The following CD109 variants were observed in gnomAD, a reference collection of about 807,000 sequenced individuals.
CD109 encodes the protein CD109 antigen.
CD109 carries 149 observed loss-of-function variants against 165.8 expected under a neutral mutation model. That is an observed-to-expected ratio of 0.90 (90% confidence interval 0.79 to 1.03). CD109 has a LOEUF of 1.03. Among genes scored for constraint, CD109 ranks in the 50% least tolerant of loss-of-function variants. The pLI, the probability that CD109 is intolerant of heterozygous loss-of-function variation, is 0.00. For missense variants in CD109, 1,712 were observed against 1,677.8 expected, an observed-to-expected ratio of 1.02 and a Z score of -0.36; for synonymous variants, 585 against 592.1, an observed-to-expected ratio of 0.99 and a Z score of 0.18.
At chr6:73,753,238 T>C (rs933746307) in intron 5 of CD109, among the ~76,000 whole-genome samples, 1 of 152,176 alleles carries the variant, frequency 6.6e-6, no homozygotes, top group Non-Finnish European at 1.5e-5. Context: ...ATATTTACTA[T>C]CCCACTCTTT....
At chr6:73,822,346 G>A (rs1358580118) in intron 32 of CD109, among the ~76,000 whole-genome samples, 2 of 152,212 alleles carry the variant, frequency 1.3e-5, no homozygotes, top group Non-Finnish European at 2.9e-5. Flanking sequence ...CTTTAAATGA[G>A]ATGAACTTGT....
intron 15 of CD109, among the ~76,000 whole-genome samples, chr6:73,778,801 GT>G (rs1274058949): frequency 2.0e-5 from 3 of 150,902 alleles, no homozygotes; most frequent in South Asian, 2.1e-4. Context: ...TTTCAACTTA[GT>G]TTTTTTTGTG....
intron 2 of CD109, among the ~76,000 whole-genome samples, chr6:73,702,201 A>G (rs909403493): frequency 2.0e-5 from 3 of 151,888 alleles, no homozygotes; most frequent in South Asian, 4.1e-4. Context: ...TAAAAAATCT[A>G]TTTTTTCCTT....
At chr6:73,680,867 A>G in the CD109 span, among the ~76,000 whole-genome samples, 3 of 152,316 alleles carry the variant, frequency 2.0e-5, no homozygotes, top group East Asian at 5.8e-4. Context: ...TGGAAGAGCC[A>G]AAGACTGGTT....
chr6:73,821,830 A>G (rs1776119579), intron 32 of CD109, among the ~76,000 whole-genome samples: 2 of 152,208 alleles, frequency 1.3e-5, no homozygotes, highest in Admixed American at 1.3e-4. Flanking sequence ...ATCACATAAT[A>G]TACCCTTGTA....
At chr6:73,749,905 A>G (rs1395235589) in intron 5 of CD109, among the ~76,000 whole-genome samples, 4 of 152,214 alleles carry the variant, frequency 2.6e-5, no homozygotes, top group South Asian at 2.1e-4. Context: ...TTTTAGGAAG[A>G]TCACTTTGGT....
chr6:73,817,048 G>A (rs963856612), intron 30 of CD109, among the ~76,000 whole-genome samples: 4 of 152,176 alleles, frequency 2.6e-5, no homozygotes, highest in Non-Finnish European at 5.9e-5. Flanking sequence ...GCTGCTACTA[G>A]TTTTCTGAGA....
chr6:73,695,451 A>T (rs1053642615), upstream of CD109: 2 of 152,200 alleles, frequency 1.3e-5, no homozygotes, highest in African/African-American at 2.4e-5. Flanking sequence ...TTCTTTCTGT[A>T]GCAAAAATAT....
the CD109 span, among the ~76,000 whole-genome samples, chr6:73,689,871 A>C: frequency 6.6e-6 from 1 of 152,210 alleles, no homozygotes; most frequent in Non-Finnish European, 1.5e-5. Context: ...AAGATCAGAA[A>C]TGTTACAAAT....
At chr6:73,784,013 C>T (rs1774600423) in intron 19 of CD109, among the ~76,000 whole-genome samples, 189 bp downstream of exon 19, 1 of 151,936 alleles carries the variant, frequency 6.6e-6, no homozygotes, top group Non-Finnish European at 1.5e-5. Context: ...ATATAAACTG[C>T]TAAATGTGCA....
At chr6:73,757,951 G>C (rs902107878) in intron 6 of CD109, among the ~76,000 whole-genome samples, 5 of 151,930 alleles carry the variant, frequency 3.3e-5, no homozygotes, top group African/African-American at 9.7e-5. Context: ...GGTATGCTGG[G>C]TGGTTGTATG....
chr6:73,788,417 T>C, intron 21 of CD109, 51 bp from the exon 22 acceptor site: 1 of 1,547,468 alleles, frequency 6.5e-7, no homozygotes, highest in Non-Finnish European at 8.7e-7. Context: ...TATAGTTCTC[T>C]GTAAACATGT....
intron 23 of CD109, among the ~76,000 whole-genome samples, chr6:73,801,309 T>C (rs1452184138): frequency 6.6e-6 from 1 of 152,242 alleles, no homozygotes; most frequent in Non-Finnish European, 1.5e-5. Flanking sequence ...CAGAGGGTCC[T>C]TGTGAGAATT....
chr6:73,806,350 C>T (rs367801517), intron 24 of CD109, among the ~76,000 whole-genome samples: 8 of 141,624 alleles, frequency 5.6e-5, no homozygotes, highest in Middle Eastern at 3.6e-3. Context: ...CATTACACAC[C>T]GGGACCTGTT....
At chr6:73,775,181 A>G (rs1226380015) in intron 15 of CD109, among the ~76,000 whole-genome samples, 3 of 151,594 alleles carry the variant, frequency 2.0e-5, no homozygotes, top group Non-Finnish European at 4.4e-5. Flanking sequence ...ATTTGAGGTT[A>G]TGTGTATATA....
At chr6:73,811,767 A>G (rs1377301034) in intron 28 of CD109, among the ~76,000 whole-genome samples, 5 of 152,184 alleles carry the variant, frequency 3.3e-5, no homozygotes, top group Non-Finnish European at 5.9e-5. Context: ...GATAACTTCA[A>G]TTCTGGAAAG....
the CD109 span, among the ~76,000 whole-genome samples, chr6:73,682,725 A>C: frequency 2.0e-5 from 3 of 152,358 alleles, no homozygotes; most frequent in Non-Finnish European, 4.4e-5. Context: ...CCCCTACAGC[A>C]AACTTCTGCC....
chr6:73,691,442 C>T (rs987578194), upstream of CD109, among the ~76,000 whole-genome samples: 3 of 152,232 alleles, frequency 2.0e-5, no homozygotes, highest in Non-Finnish European at 4.4e-5. Context: ...TGTGCCAGTT[C>T]ACTTTGTGGG....
rs545579807 is a variant in CD109, at chr6:73,801,079, A to G, written c.2879-2141A>G. Among the ~76,000 whole-genome samples the G allele has an allele frequency of 2.6e-5, 4 of 152,334 alleles. No homozygotes were observed. In the East Asian group the frequency reaches 5.8e-4, roughly 22 times the overall value. ...GCCTATTGTTTGTTGAGAGCTTTCC[A>G]TGTAAAAGGTACTTACTGAAGTCTT... On this transcript the variant is annotated intron_variant, in intron 23 of 32. Transcript: ENST00000287097.
Sources: gnomAD v4.1 joint callset for allele counts (sites outside exome capture counted in the v4.1 genomes callset) on GRCh38, gnomAD v4.1.1 for gene constraint, MANE v1.5 for transcripts, NCBI Gene and HGNC (gene_info 2026-07-23, HGNC 2026-07-21) for gene names.